Variants in SCRN3 observed in about 807,000 individuals in gnomAD.
SCRN3 encodes the protein secernin 3.
SCRN3 carries 39 observed loss-of-function variants against 43.1 expected under a neutral mutation model. The observed-to-expected ratio is 0.91, with a 90% CI of 0.70 to 1.18. The LOEUF (loss-of-function observed/expected upper bound fraction) is 1.18. Among genes scored for constraint, SCRN3 ranks in the 50% most tolerant of loss-of-function variants. The probability of loss-of-function intolerance (pLI) is 0.00; values close to 1 mark genes in which losing one functional copy is unlikely to be tolerated. For synonymous variants in SCRN3, 147 were observed against 163.1 expected, an observed-to-expected ratio of 0.90 and a Z score of 0.75; for missense variants, 484 against 498.0, an observed-to-expected ratio of 0.97 and a Z score of 0.27.
intron 4 of SCRN3, 107 bp downstream of exon 4, chr2:174,401,296 T>G: frequency 1.2e-6 from 1 of 865,138 alleles, no homozygotes; most frequent in Non-Finnish European, 1.8e-6. Flanking sequence ...TCTAGTGTAA[T>G]GAAGGGTTGA....
chr2:174,396,584 G>A (rs1240827354), intron 1 of SCRN3, among the ~76,000 whole-genome samples: 2 of 152,118 alleles, frequency 1.3e-5, no homozygotes, highest in Non-Finnish European at 2.9e-5. Context: ...ATCACCTGAG[G>A]TCAGGAGTTC....
rs534662778 is a variant in SCRN3 at position 174,422,215 on chromosome 2, C to T, written c.755-670C>T. On this transcript the variant is annotated intron_variant, in intron 5 of 7. Coordinates refer to ENST00000272732, the MANE Select transcript of SCRN3 (RefSeq NM_024583.5). ...CTGATGGGGGAGGATTGCTTAAGGC[C>T]AGGCATTGGAGACCAGCCTGGGCAA... Among the ~76,000 whole-genome samples, 123 of 152,174 alleles carry T rather than the reference C, an allele frequency of 8.1e-4. 1 individual carries two copies. The highest frequency in any genetic ancestry group is 1.4e-3 in the Non-Finnish European group (92 of 67,992).
chr2:174,427,485 TTG>T (rs1302433261), intron 7 of SCRN3, among the ~76,000 whole-genome samples: 4 of 152,190 alleles, frequency 2.6e-5, no homozygotes, highest in African/African-American at 9.7e-5. Context: ...ATAATTGTTT[TTG>T]TCTTTTCTAC....
At chr2:174,403,846 A>C (rs971556990) in intron 4 of SCRN3, among the ~76,000 whole-genome samples, 2 of 152,038 alleles carry the variant, frequency 1.3e-5, no homozygotes, top group Admixed American at 6.6e-5. Context: ...CCATTGGGGG[A>C]AACTGGGTAA....
At chr2:174,405,617 C>G (rs568917212) in intron 5 of SCRN3, among the ~76,000 whole-genome samples, 12 of 142,244 alleles carry the variant, frequency 8.4e-5, no homozygotes, top group African/African-American at 3.0e-4. Context: ...TTTAATCCAT[C>G]TTGAATTGAT....
chr2:174,402,873 T>G (rs897258392), intron 4 of SCRN3, among the ~76,000 whole-genome samples: 2 of 152,116 alleles, frequency 1.3e-5, no homozygotes, highest in Non-Finnish European at 1.5e-5. Flanking sequence ...TTATCGATTT[T>G]TGTTTATCGT....
At chr2:174,397,309 T>C (rs981772536) in intron 1 of SCRN3, 1 of 985,120 alleles carries the variant, frequency 1.0e-6, no homozygotes, top group Non-Finnish European at 1.2e-6. Flanking sequence ...AAGGAAACTC[T>C]GTAAAACAAT....
intron 5 of SCRN3, among the ~76,000 whole-genome samples, chr2:174,406,351 A>G (rs1685692406): frequency 1.4e-5 from 2 of 137,994 alleles, no homozygotes; most frequent in Admixed American, 1.4e-4. Context: ...GCTTAAGGAG[A>G]TTTTGGGCTG....
rs566528179 is a variant in SCRN3, at chr2:174,395,900, C to A, written c.-10+83C>A. On this transcript the variant is annotated intron_variant, in intron 1 of 7. Coordinates refer to ENST00000272732, the MANE Select transcript of SCRN3 (RefSeq NM_024583.5). ...CAACTGTGGCGCGGCACTGCTTGAC[C>A]GAGGGGCTCCGGAGCCCAGCTGCAC... The A allele has an allele frequency of 1.3e-5, 18 of 1,427,390 alleles. No homozygotes were observed. In the East Asian group the frequency reaches 2.6e-4, roughly 21 times the overall value. The allele number at this position is 1,427,390 out of a possible 1,614,324, so 88.4% of individuals were successfully genotyped here.
chr2:174,413,589 T>C (rs1440339166), intron 5 of SCRN3, among the ~76,000 whole-genome samples: 5 of 123,834 alleles, frequency 4.0e-5, no homozygotes, highest in Non-Finnish European at 6.7e-5. Flanking sequence ...GTCTTTCCTT[T>C]TTTTTTTTTT....
intron 4 of SCRN3, 90 bp from the exon 5 acceptor site, chr2:174,404,013 C>T: frequency 1.1e-6 from 1 of 950,846 alleles, no homozygotes; most frequent in Non-Finnish European, 1.6e-6. Flanking sequence ...TTTATGTTTA[C>T]ATAGTGATTA....
At chr2:174,425,643 T>C (rs12611808) in intron 7 of SCRN3, among the ~76,000 whole-genome samples, 40,294 of 152,004 alleles carry the variant, frequency 0.27, 6,095 homozygotes, top group Middle Eastern at 0.54. Flanking sequence ...GCCAGACTTC[T>C]TATTTTTATT....
chr2:174,414,937 T>G (rs1157706667), intron 5 of SCRN3, among the ~76,000 whole-genome samples: 1 of 152,036 alleles, frequency 6.6e-6, no homozygotes, highest in Non-Finnish European at 1.5e-5. Context: ...CTAATTTTTT[T>G]ATTTTTTGTA....
chr2:174,424,111 C>CCT (rs1686397262), intron 6 of SCRN3, among the ~76,000 whole-genome samples: 2 of 152,262 alleles, frequency 1.3e-5, no homozygotes, highest in Admixed American at 6.5e-5. Flanking sequence ...TTTACTGACA[C>CCT]TGGCGCTGAT....
chr2:174,400,583 C>T (rs1685474879), intron 3 of SCRN3, among the ~76,000 whole-genome samples: 1 of 152,188 alleles, frequency 6.6e-6, no homozygotes, highest in African/African-American at 2.4e-5. Flanking sequence ...CCAGCACAGG[C>T]ACCATGCCCA....
intron 5 of SCRN3, among the ~76,000 whole-genome samples, chr2:174,419,655 G>A (rs1015079381): frequency 1.7e-4 from 26 of 152,118 alleles, no homozygotes; most frequent in African/African-American, 6.3e-4. Flanking sequence ...TCCCAAACTG[G>A]TGGGATTACA....
rs79839837 is a variant in SCRN3, at chr2:174,419,086, G to T, written c.755-3799G>T. Among the ~76,000 whole-genome samples, 591 of 152,248 alleles carry T rather than the reference G, an allele frequency of 3.9e-3. 7 individuals are homozygous for T. The highest frequency in any genetic ancestry group is 0.014 in the African/African-American group (578 of 41,560). On this transcript the variant is annotated intron_variant, in intron 5 of 7. Coordinates refer to ENST00000272732, the MANE Select transcript of SCRN3 (RefSeq NM_024583.5). Reference sequence around the variant, plus strand: ...GAAGTCAGTTTTAATTTGAAATATTGTGAATTACAATTTGGATACAGGCTT... The same window carrying T: ...GAAGTCAGTTTTAATTTGAAATATTTTGAATTACAATTTGGATACAGGCTT...
chr2:174,423,518 G>A (rs1686366854), intron 6 of SCRN3, among the ~76,000 whole-genome samples: 1 of 151,550 alleles, frequency 6.6e-6, no homozygotes, highest in Non-Finnish European at 1.5e-5. Flanking sequence ...CACCCAGGTT[G>A]GAGTGCAATG....
At chr2:174,396,032 C>T (rs1048667039) in intron 1 of SCRN3, 9 of 1,306,718 alleles carry the variant, frequency 6.9e-6, no homozygotes, top group Middle Eastern at 5.7e-4. Flanking sequence ...GACTCTGACT[C>T]GAGCTGCAAA....
Sources: gnomAD v4.1 joint callset for allele counts (sites outside exome capture counted in the v4.1 genomes callset) on GRCh38, gnomAD v4.1.1 for gene constraint, MANE v1.5 for transcripts, NCBI Gene and HGNC (gene_info 2026-07-23, HGNC 2026-07-21) for gene names.